The following ZNF565 variants were observed in gnomAD, a reference collection of about 807,000 sequenced individuals.
The protein encoded by ZNF565 is zinc finger protein 565.
ZNF565 carries 27 observed loss-of-function variants against 39.4 expected under a neutral mutation model. That is an observed-to-expected ratio of 0.69 (90% CI 0.51 to 0.95). The LOEUF (loss-of-function observed/expected upper bound fraction) is 0.95. Among genes scored for constraint, ZNF565 ranks in the 40% least tolerant of loss-of-function variants. The probability of loss-of-function intolerance (pLI) is 0.00; values close to 1 mark genes in which losing one functional copy is unlikely to be tolerated. For missense variants in ZNF565, 524 were observed against 621.1 expected, an observed-to-expected ratio of 0.84 and a Z score of 1.66; for synonymous variants, 185 against 216.6, an observed-to-expected ratio of 0.85 and a Z score of 1.28.
intron 1 of ZNF565, among the ~76,000 whole-genome samples, chr19:36,211,589 C>A (rs754290499): frequency 2.6e-5 from 4 of 151,486 alleles, no homozygotes; most frequent in African/African-American, 4.9e-5. Flanking sequence ...GTTAGGAGAT[C>A]GAGACCATCC....
upstream of ZNF565, among the ~76,000 whole-genome samples, chr19:36,218,960 C>T (rs1397733736): frequency 6.6e-6 from 1 of 151,194 alleles, no homozygotes; most frequent in African/African-American, 2.4e-5. Flanking sequence ...GGGCGCCCAC[C>T]ACCACGTCCG....
Position 36,245,723 on chromosome 19 carries a change from C to T in ZNF565, c.-193G>A. The T allele has an allele frequency of 1.7e-6, 1 of 593,502 alleles. No homozygotes were observed. Among genetic ancestry groups the T allele is most frequent in the Non-Finnish European group, 3.0e-6 (1 of 332,316 alleles). The allele number at this position is 593,502 out of a possible 1,614,324, so 36.8% of individuals were successfully genotyped here. On this transcript the variant is annotated 5_prime_UTR_variant, in exon 1 of 5. Coordinates refer to the ZNF565 transcript ENST00000355114. This position sits in a 1 kb window ranked among gnomAD's most constrained non-coding sequence, Gnocchi z 4.4. Reference sequence around the variant, plus strand: ...CGTTGACGATGCCTCGAGCTATGACCCACCCTGGCTCCGTCCACGGTTGTC... The same window carrying T: ...CGTTGACGATGCCTCGAGCTATGACTCACCCTGGCTCCGTCCACGGTTGTC...
rs189976297 is a variant in ZNF565 at position 36,191,335 on chromosome 19, C to T, written c.232+2898G>A. 3.0e-3 allele frequency among the ~76,000 whole-genome samples: 419 copies of T among 140,356 alleles called. 6 individuals are homozygous for T. Among genetic ancestry groups the T allele is most frequent in the Admixed American group, 0.023 (318 of 14,078 alleles). The allele number at this position is 140,356 out of a possible 152,430, so 92.1% of individuals were successfully genotyped here. A position where few individuals can be genotyped will look rare whatever the true frequency, so the allele number is the denominator to read the frequency against. On this transcript the variant is annotated intron_variant, in intron 4 of 4. Transcript: ENST00000304116. ...CTTTCTTTTTTTTTTTTTTTTTTCC[C>T]GAGATGGAGTCTCACTCCTGTTGCC...
chr19:36,227,958 C>G (rs566915447), intron 1 of ZNF565, among the ~76,000 whole-genome samples: 1 of 151,980 alleles, frequency 6.6e-6, no homozygotes, highest in Non-Finnish European at 1.5e-5. Context: ...GTCAGGAGTT[C>G]GAGACCAGCC....
At chr19:36,241,535 G>C (rs1361401875) in intron 1 of ZNF565, among the ~76,000 whole-genome samples, 1 of 150,606 alleles carries the variant, frequency 6.6e-6, no homozygotes, top group Non-Finnish European at 1.5e-5. Context: ...GCTCACGCCT[G>C]TAATCCCAGC....
chr19:36,239,401 TCTC>T (rs1358877972), intron 1 of ZNF565, among the ~76,000 whole-genome samples: 26 of 150,894 alleles, frequency 1.7e-4, no homozygotes, highest in African/African-American at 6.3e-4. Flanking sequence ...CTCACTGCAA[TCTC>T]CTCTGCTTAC....
chr19:36,216,561 G>C (rs1302280015), upstream of ZNF565, among the ~76,000 whole-genome samples: 2 of 152,280 alleles, frequency 1.3e-5, no homozygotes, highest in South Asian at 2.1e-4. Flanking sequence ...CGGAGGCTGA[G>C]GCAGGAAAAT....
chr19:36,207,785 C>T (rs1370525550), intron 1 of ZNF565, among the ~76,000 whole-genome samples: 2 of 152,092 alleles, frequency 1.3e-5, no homozygotes, highest in Non-Finnish European at 2.9e-5. Context: ...AGACAGACAC[C>T]AGAAAGACTG....
At chr19:36,209,401 G>A (rs1425465475) in intron 1 of ZNF565, among the ~76,000 whole-genome samples, 1 of 152,050 alleles carries the variant, frequency 6.6e-6, no homozygotes, top group Non-Finnish European at 1.5e-5. Flanking sequence ...AGGCTGACGT[G>A]GGAAAATTGC....
chr19:36,183,080 CA>C lies in ZNF565; in HGVS notation c.885del (p.Val296CysfsTer27). The C allele has an allele frequency of 6.2e-7, 1 of 1,614,124 alleles. No homozygotes were observed. The highest frequency in any genetic ancestry group is 8.5e-7 in the Non-Finnish European group (1 of 1,180,024). ...GKAFIRGSQL[T>X]VHRRIHTGAR... ...GCCCCTGTGTGGATTCTCCGATGCA[CA>C]GTGAGTTGGGAGCCACGAATGAAAG... On this transcript the variant is annotated frameshift_variant, in exon 5 of 5. Coordinates refer to ENST00000304116, the MANE Select transcript of ZNF565 (RefSeq NM_152477.5). LOFTEE classifies it high-confidence loss of function.
intron 1 of ZNF565, among the ~76,000 whole-genome samples, chr19:36,224,490 CTG>C (rs1976990780): frequency 6.6e-6 from 1 of 152,212 alleles, no homozygotes; most frequent in Non-Finnish European, 1.5e-5. Flanking sequence ...AGCAGAAAGA[CTG>C]AGGACACTGC....
chr19:36,195,594 G>T, intron 2 of ZNF565, among the ~76,000 whole-genome samples: 1 of 142,852 alleles, frequency 7.0e-6, no homozygotes, highest in Admixed American at 7.3e-5. Flanking sequence ...GCCCAGGCTA[G>T]AGTGCAATGG....
intron 1 of ZNF565, among the ~76,000 whole-genome samples, chr19:36,223,717 A>G (rs1265809367): frequency 6.6e-6 from 1 of 151,510 alleles, no homozygotes; most frequent in East Asian, 1.9e-4. Flanking sequence ...TTTCACCGAT[A>G]TTTTCAAATT....
chr19:36,197,342 C>T lies in ZNF565; in HGVS notation c.10-2186G>A, dbSNP rs577189359. Among the ~76,000 whole-genome samples the T allele has an allele frequency of 2.3e-3, 354 of 150,692 alleles. No individual in the cohort carries two copies. In the Middle Eastern group the frequency reaches 0.035, roughly 15 times the overall value. ...AAGAAATTAGCTGGGCATGATGGTG[C>T]GTGCCTGTAGTCCCAGCTACTAGGG... On this transcript the variant is annotated intron_variant, in intron 2 of 4. Transcript: ENST00000304116.
chr19:36,184,157 T>G (rs1326244106), intron 4 of ZNF565, among the ~76,000 whole-genome samples: 1 of 149,746 alleles, frequency 6.7e-6, no homozygotes, highest in Non-Finnish European at 1.5e-5. Context: ...GAATGCCTTA[T>G]ATACATCTCA....
At chr19:36,241,514 C>T (rs534362704) in intron 1 of ZNF565, among the ~76,000 whole-genome samples, 1 of 148,594 alleles carries the variant, frequency 6.7e-6, no homozygotes, top group Non-Finnish European at 1.5e-5. Context: ...GTGTTGGGGC[C>T]GTGCGCAGTG....
intron 1 of ZNF565, chr19:36,238,199 A>AG (rs1027125246): frequency 6.6e-5 from 11 of 167,234 alleles, no homozygotes; most frequent in African/African-American, 2.6e-4. Flanking sequence ...AGAATTGTTG[A>AG]GGGGGGATCA....
intron 1 of ZNF565, among the ~76,000 whole-genome samples, chr19:36,241,289 GC>G (rs1977794766): frequency 6.6e-6 from 1 of 151,496 alleles, no homozygotes; most frequent in Non-Finnish European, 1.5e-5. Context: ...TTCGAGACCA[GC>G]CTGGCCAGCA....
chr19:36,202,321 T>C (rs1434387726), intron 1 of ZNF565, among the ~76,000 whole-genome samples: 4 of 151,908 alleles, frequency 2.6e-5, no homozygotes, highest in Non-Finnish European at 5.9e-5. Context: ...GAGCCGAGAC[T>C]GCACCACTGC....
Sources: allele counts gnomAD v4.1 joint callset (sites outside exome capture counted in the v4.1 genomes callset), GRCh38; gene constraint gnomAD v4.1.1; non-coding constraint Gnocchi (gnomAD v3.1); transcripts MANE v1.5; gene names NCBI Gene and HGNC (gene_info 2026-07-23, HGNC 2026-07-21).